The following DCAF1 variants were observed in gnomAD, a reference collection of about 807,000 sequenced individuals.
The protein encoded by DCAF1 is DDB1- and CUL4-associated factor 1.
Under a neutral mutation model 128.0 loss-of-function variants are expected in DCAF1, and 15 were observed. That is an observed-to-expected ratio of 0.12 (90% CI 0.08 to 0.18). The LOEUF (loss-of-function observed/expected upper bound fraction) is 0.18, where lower values mean the gene tolerates loss of function less well. DCAF1 is among the 10% of genes least tolerant of loss of function. DCAF1 has a pLI of 1.00. For synonymous variants in DCAF1, 610 were observed against 603.0 expected, an observed-to-expected ratio of 1.01 and a Z score of -0.17; for missense variants, 988 against 1,649.5, an observed-to-expected ratio of 0.60 and a Z score of 6.95.
intron 6 of DCAF1, among the ~76,000 whole-genome samples, chr3:51,457,073 G>C (rs1168388856): frequency 6.6e-6 from 1 of 152,208 alleles, no homozygotes; most frequent in African/African-American, 2.4e-5. Context: ...GAATGACTTT[G>C]ATGAGTTGAG....
chr3:51,459,020 C>A (rs1203710874), intron 6 of DCAF1, among the ~76,000 whole-genome samples: 5 of 152,056 alleles, frequency 3.3e-5, no homozygotes, highest in African/African-American at 1.2e-4. Context: ...AAAGCAAGAG[C>A]AAACACATTC....
chr3:51,426,581 AC>A (rs532925175), intron 13 of DCAF1, among the ~76,000 whole-genome samples: 33 of 152,354 alleles, frequency 2.2e-4, no homozygotes, highest in Middle Eastern at 3.4e-3. Context: ...TAACACAAAA[AC>A]AAAAGCCTTT....
chr3:51,400,275 G>A (rs2089562548), intron 24 of DCAF1, among the ~76,000 whole-genome samples: 1 of 152,152 alleles, frequency 6.6e-6, no homozygotes, highest in African/African-American at 2.4e-5. Flanking sequence ...TGTCACAGGA[G>A]GGTGTGGGGC....
chr3:51,495,360 T>C (rs1161336690), intron 2 of DCAF1, among the ~76,000 whole-genome samples: 1 of 136,386 alleles, frequency 7.3e-6, no homozygotes, highest in Non-Finnish European at 1.6e-5. Flanking sequence ...AATAAAAAAA[T>C]ATAAAGGCAA....
intron 12 of DCAF1, 78 bp downstream of exon 12, chr3:51,429,183 T>C (rs1351814523): frequency 1.4e-6 from 1 of 705,732 alleles, no homozygotes; most frequent in Admixed American, 2.0e-5. Context: ...AGTCCACTGA[T>C]CTGAATGTGA....
chr3:51,482,208 G>C (rs2108389319), intron 3 of DCAF1, among the ~76,000 whole-genome samples: 1 of 152,136 alleles, frequency 6.6e-6, no homozygotes, highest in East Asian at 1.9e-4. Flanking sequence ...ACTTTGGGAG[G>C]CCGAGACAGG....
intron 12 of DCAF1, among the ~76,000 whole-genome samples, 179 bp downstream of exon 12, chr3:51,429,082 A>G (rs1475115416): frequency 6.6e-6 from 1 of 152,162 alleles, no homozygotes; most frequent in Non-Finnish European, 1.5e-5. Flanking sequence ...CTGGAAGCAA[A>G]ATAATTCCCT....
chr3:51,421,765 A>G (rs1348179810), intron 14 of DCAF1, among the ~76,000 whole-genome samples: 1 of 152,150 alleles, frequency 6.6e-6, no homozygotes, highest in Non-Finnish European at 1.5e-5. Flanking sequence ...CTTGCTCTTA[A>G]TAAAGTATAT....
intron 5 of DCAF1, among the ~76,000 whole-genome samples, chr3:51,465,371 T>C (rs1704025607): frequency 6.6e-6 from 1 of 152,154 alleles, no homozygotes; most frequent in Non-Finnish European, 1.5e-5. Context: ...GAAGGAAATG[T>C]CTAGAAGTGA....
chr3:51,400,330 C>T (rs1289434342), intron 24 of DCAF1, among the ~76,000 whole-genome samples: 3 of 152,302 alleles, frequency 2.0e-5, no homozygotes, highest in Non-Finnish European at 4.4e-5. Context: ...CACCCCATAC[C>T]ACAAACTTGC....
At position 51,419,957 on chromosome 3, in the gene DCAF1, C is replaced by G; in HGVS notation, c.3013G>C (p.Asp1005His). 6.2e-7 allele frequency: 1 copy of G among 1,614,030 alleles called. No homozygotes were observed. The highest frequency in any genetic ancestry group is 1.7e-5 in the Admixed American group (1 of 60,024). The change falls in exon 15 of 25, where the codon GAC becomes CAC. Residue 1005 changes from aspartate (D) to histidine (H), a missense_variant. This residue lies in a region of DCAF1 where 105 missense variants were observed against 266.7 expected (regional missense o/e 0.39). Transcript: ENST00000684031. ...CTAAGATACTCTGTGATTATACTGT[C>G]CAGCGTAGGTGGGGAAGGAAGATGT... Reference protein sequence around the residue: ...DRHLPSPPTLDSIITEYLREQ... With the variant: ...DRHLPSPPTLHSIITEYLREQ...
rs534310332 is a variant in DCAF1 at position 51,422,627 on chromosome 3, T to C, written c.1848-196A>G. On this transcript the variant is annotated intron_variant, in intron 13 of 24. Transcript: ENST00000684031. The stretch of plus-strand genomic sequence containing the variant: ...TCACCATGACATTACTTCCAAAAAA[T>C]ATAGCAATGGAATTTTTACCTATTA... 1.2e-4 allele frequency among the ~76,000 whole-genome samples: 18 copies of C among 152,220 alleles called. No homozygotes were observed. In the South Asian group the frequency reaches 1.7e-3, roughly 14 times the overall value.
intron 6 of DCAF1, among the ~76,000 whole-genome samples, chr3:51,460,906 T>C (rs1173087879): frequency 1.3e-5 from 2 of 150,104 alleles, no homozygotes; most frequent in South Asian, 2.1e-4. Flanking sequence ...ATACAAAAAT[T>C]AATTCAAGAT....
At chr3:51,407,983 T>TAA (rs1559474297) in intron 23 of DCAF1, among the ~76,000 whole-genome samples, 1 of 2,968 alleles carries the variant, frequency 3.4e-4, no homozygotes, top group Non-Finnish European at 1.0e-3. Flanking sequence ...AGACTCCATC[T>TAA]CAAAAAAAAA....
chr3:51,456,485 G>A (rs1287432474), intron 6 of DCAF1, among the ~76,000 whole-genome samples: 2 of 152,214 alleles, frequency 1.3e-5, no homozygotes, highest in African/African-American at 4.8e-5. Context: ...CACCTCTGGG[G>A]GCAGGGCACA....
chr3:51,440,182 T>G (rs782396769), intron 9 of DCAF1: 2 of 509,238 alleles, frequency 3.9e-6, no homozygotes, highest in Non-Finnish European at 7.8e-6. Context: ...GTAGAGATAG[T>G]AAGCCTCCTC....
At chr3:51,412,944 A>T (rs1306188094) in intron 22 of DCAF1, 49 bp downstream of exon 22, 1 of 1,605,756 alleles carries the variant, frequency 6.2e-7, no homozygotes, top group Non-Finnish European at 8.5e-7. Context: ...CTTGAAAATT[A>T]TCCTAAACAT....
chr3:51,471,013 A>G lies in DCAF1; in HGVS notation c.111-8T>C. On this transcript the variant is annotated splice_region_variant and splice_polypyrimidine_tract_variant and intron_variant, in intron 3 of 24. Coordinates refer to ENST00000684031, the MANE Select transcript of DCAF1 (RefSeq NM_001387579.1). ...TCAATCAATTGAGACATCCTAGCAC[A>G]AAGGAAACAAGGGGTCAACTCTGGA... is the stretch of plus-strand genomic sequence containing the variant. The G allele has an allele frequency of 1.3e-6, 2 of 1,592,498 alleles. No homozygotes were observed. Among genetic ancestry groups the G allele is most frequent in the Non-Finnish European group, 1.7e-6 (2 of 1,165,466 alleles).
At chr3:51,477,887 TC>T (rs1303370481) in intron 3 of DCAF1, among the ~76,000 whole-genome samples, 2 of 152,036 alleles carry the variant, frequency 1.3e-5, no homozygotes, top group Non-Finnish European at 2.9e-5. Flanking sequence ...TTACAAACCT[TC>T]CCATTCCAGT....
Sources: gnomAD v4.1 joint callset for allele counts (sites outside exome capture counted in the v4.1 genomes callset) on GRCh38, gnomAD v4.1.1 for gene constraint, gnomAD v4.1.1 regional missense constraint, MANE v1.5 for transcripts, NCBI Gene and HGNC (gene_info 2026-07-23, HGNC 2026-07-21) for gene names.